The following COL11A1 variants were observed in gnomAD, a reference collection of about 807,000 sequenced individuals.
COL11A1 encodes the protein collagen type XI alpha 1 chain.
Under a neutral mutation model 265.2 loss-of-function variants are expected in COL11A1, and 74 were observed. That is an observed-to-expected ratio of 0.28 (90% confidence interval 0.23 to 0.34). The LOEUF is 0.34. COL11A1 is among the 10% of genes least tolerant of loss of function. The pLI, the probability that COL11A1 is intolerant of heterozygous loss-of-function variation, is 1.00. For missense variants in COL11A1, 2,165 were observed against 2,263.6 expected (o/e 0.96, Z 0.88); for synonymous variants, 816 against 727.6 (o/e 1.12, Z -1.96).
chr1:103,001,876 TA>T, intron 24 of COL11A1, 48 bp downstream of exon 24: 2 of 1,580,248 alleles, frequency 1.3e-6, no homozygotes, highest in South Asian at 1.1e-5. Context: ...CTAAGATTGC[TA>T]AAACAAACAT....
At chr1:102,915,059 C>T (rs1655160345) in intron 50 of COL11A1, among the ~76,000 whole-genome samples, 1 of 152,030 alleles carries the variant, frequency 6.6e-6, no homozygotes. Context: ...CACGCGCCAC[C>T]AGGCCCGGCT....
chr1:102,989,940 C>T (rs1324718937), intron 28 of COL11A1, among the ~76,000 whole-genome samples: 6 of 152,018 alleles, frequency 3.9e-5, no homozygotes, highest in African/African-American at 1.2e-4. Flanking sequence ...AATCCCCACA[C>T]TTTGGTAGGC....
intron 4 of COL11A1, among the ~76,000 whole-genome samples, chr1:103,037,110 AT>A (rs1557978979): frequency 6.7e-6 from 1 of 150,138 alleles, no homozygotes. Context: ...TTTTTTGTTC[AT>A]TTTTTTACTT....
chr1:102,967,230 T>TC lies in COL11A1; in HGVS notation c.2863-1691_2863-1690insG, dbSNP rs1219053851. 2.8e-4 allele frequency among the ~76,000 whole-genome samples: 15 copies of TC among 54,398 alleles called. 1 individual carries two copies. The highest frequency in any genetic ancestry group is 7.8e-3 in the Middle Eastern group (1 of 128). The allele number at this position is 54,398 out of a possible 152,430, so 35.7% of individuals were successfully genotyped here. ...ACAAAACCAAACATAATAAATTCTT[T>TC]TTTTTTTTTTTTTTTTTTTTTTTTT... On this transcript the variant is annotated intron_variant, in intron 37 of 66. Coordinates refer to ENST00000370096, the MANE Select transcript of COL11A1 (RefSeq NM_001854.4).
At chr1:102,971,036 C>G (rs371495750) in intron 36 of COL11A1, among the ~76,000 whole-genome samples, 1 of 142,936 alleles carries the variant, frequency 7.0e-6, no homozygotes, top group Non-Finnish European at 1.5e-5. Context: ...CAAAAAAAAA[C>G]CAAGAATGCA....
Position 103,015,717 on chromosome 1 carries a change from G to A in COL11A1, c.1439C>T (p.Pro480Leu). ...AGGACCAGGTAGACCATCAGCCCCT[G>A]GTAAGCCAGGACGTCCTGGGGGGCC... ...DRGPPGRPGLPGADGLPGPPG... is the reference protein window; with the variant it reads ...DRGPPGRPGLLGADGLPGPPG... Residue 480 changes from proline to leucine, a missense_variant, in exon 12 of 67, where the codon CCA (proline) becomes CTA (leucine). Pro to Leu is a moderately conservative substitution (Grantham distance 98). Coordinates refer to ENST00000370096, the MANE Select transcript of COL11A1 (RefSeq NM_001854.4). 6.2e-7 allele frequency: 1 copy of A among 1,607,226 alleles called. No individual in the cohort carries two copies. Among genetic ancestry groups the A allele is most frequent in the African/African-American group, 1.3e-5 (1 of 74,744 alleles).
chr1:103,018,801 T>C lies in COL11A1; in HGVS notation c.1350+17A>G. 1 of 1,604,390 alleles carries C rather than the reference T, an allele frequency of 6.2e-7. No homozygotes were observed. The highest frequency in any genetic ancestry group is 8.5e-7 in the Non-Finnish European group (1 of 1,171,962). On this transcript the variant is annotated intron_variant, in intron 10 of 66. Coordinates refer to ENST00000370096, the MANE Select transcript of COL11A1 (RefSeq NM_001854.4). ...TTACTTTAAATAGACAAAAATAATC[T>C]TAAAACATTTACATACTGCAGGTCC...
At chr1:102,957,389 A>G (rs1202380066) in intron 41 of COL11A1, among the ~76,000 whole-genome samples, 1 of 152,084 alleles carries the variant, frequency 6.6e-6, no homozygotes, top group Non-Finnish European at 1.5e-5. Context: ...TTAGCTGATT[A>G]AAGCTCTGCT....
intron 54 of COL11A1, among the ~76,000 whole-genome samples, chr1:102,909,096 G>A (rs766700197): frequency 6.6e-6 from 1 of 152,032 alleles, no homozygotes; most frequent in Non-Finnish European, 1.5e-5. Flanking sequence ...AAATCTTGGC[G>A]GTAGAGCCCA....
chr1:102,881,665 A>G, intron 65 of COL11A1, 32 bp downstream of exon 65: 1 of 1,549,798 alleles, frequency 6.5e-7, no homozygotes, highest in Non-Finnish European at 8.9e-7. Context: ...TGAGTTCGTG[A>G]AAAATCGTTT....
chr1:102,888,449 T>C (rs879467126), intron 62 of COL11A1, 128 bp downstream of exon 62: 4 of 816,460 alleles, frequency 4.9e-6, no homozygotes, highest in South Asian at 1.5e-5. Context: ...TTAAATGATA[T>C]AATGTTTCCT....
chr1:102,919,055 C>A (rs1468397014), intron 49 of COL11A1, among the ~76,000 whole-genome samples: 5 of 151,956 alleles, frequency 3.3e-5, no homozygotes, highest in Non-Finnish European at 1.5e-5. Context: ...TTTGTCTAAT[C>A]TGATGATATC....
At chr1:103,014,635 T>C (rs757429308) in intron 12 of COL11A1, 41 bp from the exon 13 acceptor site, 3 of 1,530,264 alleles carry the variant, frequency 2.0e-6, no homozygotes, top group Non-Finnish European at 2.7e-6. Flanking sequence ...ATTAGCTTTG[T>C]CAAACATGTT....
chr1:103,011,045 C>A (rs1210276968), intron 14 of COL11A1, among the ~76,000 whole-genome samples: 1 of 152,084 alleles, frequency 6.6e-6, no homozygotes. Context: ...TCTCAAATAT[C>A]TTTGGCCATA....
intron 42 of COL11A1, 71 bp from the exon 43 acceptor site, chr1:102,940,505 T>C: frequency 1.8e-6 from 2 of 1,097,950 alleles, no homozygotes; most frequent in South Asian, 2.7e-5. Context: ...TAATCTAGCT[T>C]CTATATTTGA....
At chr1:103,003,731 A>G (rs1035428789) in intron 20 of COL11A1, among the ~76,000 whole-genome samples, 2 of 152,162 alleles carry the variant, frequency 1.3e-5, no homozygotes, top group South Asian at 2.1e-4. Context: ...GTGTAACTAT[A>G]TATGCAGATT....
chr1:102,970,139 A>G, intron 37 of COL11A1, 80 bp downstream of exon 37: 1 of 1,129,536 alleles, frequency 8.9e-7, no homozygotes, highest in Non-Finnish European at 1.3e-6. Context: ...TGAAATGTTC[A>G]TAATAAAGTA....
chr1:102,938,987 A>T, intron 44 of COL11A1, 48 bp downstream of exon 44: 1 of 1,535,538 alleles, frequency 6.5e-7, no homozygotes, highest in Middle Eastern at 1.7e-4. Flanking sequence ...TAAACAGTAA[A>T]AGTTGTTAAA....
intron 4 of COL11A1, among the ~76,000 whole-genome samples, chr1:103,056,287 C>G (rs1291210198): frequency 6.6e-6 from 1 of 152,120 alleles, no homozygotes; most frequent in African/African-American, 2.4e-5. Flanking sequence ...AAACCTCAGG[C>G]TATCTCCAGA....
Sources: allele counts gnomAD v4.1 joint callset (sites outside exome capture counted in the v4.1 genomes callset), GRCh38; gene constraint gnomAD v4.1.1; transcripts MANE v1.5; gene names NCBI Gene and HGNC (gene_info 2026-07-23, HGNC 2026-07-21).